CRISPLD2: variants seen among roughly 807,000 people sequenced by gnomAD.
CRISPLD2 encodes the protein cysteine rich secretory protein LCCL domain containing 2, also known as cysteine-rich secretory protein LCCL domain-containing 2.
A neutral mutation model predicts 71.1 loss-of-function variants in CRISPLD2; 47 were observed. The observed-to-expected ratio is 0.66, with a 90% confidence interval of 0.52 to 0.84. The LOEUF (loss-of-function observed/expected upper bound fraction) is 0.84, where lower values mean the gene tolerates loss of function less well. Among genes scored for constraint, CRISPLD2 ranks in the 40% least tolerant of loss-of-function variants. CRISPLD2 has a pLI of 0.00. For missense variants in CRISPLD2, 830 were observed against 651.1 expected, an observed-to-expected ratio of 1.27 and a Z score of -2.99; for synonymous variants, 317 against 250.1, an observed-to-expected ratio of 1.27 and a Z score of -2.52.
chr16:84,906,413 G>C (rs2071802838), intron 14 of CRISPLD2, among the ~76,000 whole-genome samples, 175 bp from the exon 15 acceptor site: 1 of 152,164 alleles, frequency 6.6e-6, no homozygotes, highest in Admixed American at 6.5e-5. Context: ...TTTGCCACCT[G>C]TTCTCAACTC....
chr16:84,897,826 A>G (rs1356871647), intron 14 of CRISPLD2, among the ~76,000 whole-genome samples: 1 of 152,238 alleles, frequency 6.6e-6, no homozygotes, highest in Non-Finnish European at 1.5e-5. Flanking sequence ...CATGTTGGCC[A>G]GGCTGGTCTC....
intron 5 of CRISPLD2, among the ~76,000 whole-genome samples, 169 bp from the exon 6 acceptor site, chr16:84,854,560 A>C (rs1262491676): frequency 3.3e-5 from 5 of 152,074 alleles, no homozygotes; most frequent in African/African-American, 1.2e-4. Context: ...CTCTCTGTGC[A>C]CGGGAGAGGC....
intron 1 of CRISPLD2, among the ~76,000 whole-genome samples, chr16:84,834,824 G>A (rs949650917): frequency 1.3e-5 from 2 of 152,190 alleles, no homozygotes; most frequent in South Asian, 2.1e-4. Flanking sequence ...CGTCCTCTGC[G>A]TGTCTCGGTC....
intron 1 of CRISPLD2, among the ~76,000 whole-genome samples, chr16:84,823,723 T>C (rs1308925600): frequency 1.3e-5 from 2 of 152,194 alleles, no homozygotes; most frequent in Non-Finnish European, 1.5e-5. Flanking sequence ...TTATCTTTGA[T>C]TGTCTTGAGT....
intron 11 of CRISPLD2, among the ~76,000 whole-genome samples, chr16:84,876,763 G>A (rs1209480699): frequency 6.6e-6 from 1 of 152,182 alleles, no homozygotes; most frequent in Non-Finnish European, 1.5e-5. Flanking sequence ...TTTCACTCCA[G>A]CCTGGGCAAA....
chr16:84,828,008 G>GCC (rs1239567805), intron 1 of CRISPLD2, among the ~76,000 whole-genome samples: 3 of 152,168 alleles, frequency 2.0e-5, no homozygotes, highest in African/African-American at 7.2e-5. Flanking sequence ...CCTGTCCGCT[G>GCC]CCCGTTTGTT....
At chr16:84,842,345 T>TTC (rs1295874016) in intron 2 of CRISPLD2, 3 of 131,550 alleles carry the variant, frequency 2.3e-5, no homozygotes, top group South Asian at 5.7e-4. Flanking sequence ...CCCTCCTTCT[T>TTC]TCCTTCCTTC....
intron 13 of CRISPLD2, among the ~76,000 whole-genome samples, chr16:84,881,943 A>T (rs774203): frequency 0.8 from 121,066 of 152,154 alleles, 48,689 homozygotes; most frequent in East Asian, 0.97. Flanking sequence ...GACTAAGCTT[A>T]TCTCCCCCCA....
intron 6 of CRISPLD2, among the ~76,000 whole-genome samples, chr16:84,855,699 C>G (rs1042617930): frequency 1.3e-5 from 2 of 152,114 alleles, no homozygotes; most frequent in Admixed American, 1.3e-4. Flanking sequence ...TATCACAAGT[C>G]CACCCCTTGT....
At chr16:84,888,744 C>T (rs1449254043) in intron 13 of CRISPLD2, among the ~76,000 whole-genome samples, 1 of 152,228 alleles carries the variant, frequency 6.6e-6, no homozygotes, top group African/African-American at 2.4e-5. Flanking sequence ...CTGGGATGCT[C>T]TGTGCAGAGA....
intron 2 of CRISPLD2, among the ~76,000 whole-genome samples, 154 bp from the exon 3 acceptor site, chr16:84,845,632 C>T (rs543925737): frequency 4.6e-5 from 7 of 152,382 alleles, no homozygotes; most frequent in East Asian, 3.9e-4. Flanking sequence ...TGGCCTGCCA[C>T]GCCCCCCTGG....
At chr16:84,889,720 T>A (rs2071644558) in intron 14 of CRISPLD2, among the ~76,000 whole-genome samples, 1 of 151,636 alleles carries the variant, frequency 6.6e-6, no homozygotes, top group Non-Finnish European at 1.5e-5. Flanking sequence ...ACTGTTAGAT[T>A]TCTTGGCGTG....
At chr16:84,859,945 A>T (rs1020560270) in intron 6 of CRISPLD2, among the ~76,000 whole-genome samples, 1 of 152,238 alleles carries the variant, frequency 6.6e-6, no homozygotes, top group Admixed American at 6.5e-5. Context: ...AGAAAAAAGC[A>T]ATTACAAAGA....
At chr16:84,869,472 T>G (rs1398427466) in intron 8 of CRISPLD2, among the ~76,000 whole-genome samples, 13 of 152,174 alleles carry the variant, frequency 8.5e-5, no homozygotes, top group Non-Finnish European at 1.8e-4. Context: ...GAATCTTCGG[T>G]TTTATATCGC....
chr16:84,882,878 G>A (rs951672431), intron 13 of CRISPLD2, among the ~76,000 whole-genome samples: 3 of 152,160 alleles, frequency 2.0e-5, no homozygotes, highest in African/African-American at 4.8e-5. Flanking sequence ...ACATGTGTCC[G>A]GCTTTCGACT....
In CRISPLD2 at chr16:84,873,893, GTTTTTT is replaced by G; in HGVS notation, c.1113-12_1113-7del. The G allele has an allele frequency of 3.0e-5, 42 of 1,419,380 alleles. No individual in the cohort carries two copies. Among genetic ancestry groups the G allele is most frequent in the Admixed American group, 6.9e-5 (3 of 43,180 alleles). 87.9% of individuals were successfully genotyped at this position (1,419,380 alleles called of 1,614,324 possible). A position where few individuals can be genotyped will look rare whatever the true frequency, so the allele number is the denominator to read the frequency against. On this transcript the variant is annotated intron_variant, in intron 10 of 14. Transcript: ENST00000262424. ...TTCTATTTGCATTTACCTAATGCCC[GTTTTTT>G]TTTTTTTTTTTTTTAAACAGCAAAT...
intron 6 of CRISPLD2, among the ~76,000 whole-genome samples, chr16:84,862,754 C>T (rs1025412242): frequency 2.1e-5 from 3 of 142,410 alleles, no homozygotes; most frequent in African/African-American, 8.0e-5. Flanking sequence ...CTTGGGTGGG[C>T]TCCGCTGGCA....
intron 11 of CRISPLD2, among the ~76,000 whole-genome samples, chr16:84,875,488 A>T (rs189035813): frequency 4.1e-5 from 6 of 146,246 alleles, no homozygotes; most frequent in African/African-American, 1.3e-4. Context: ...GTAGCCCAAG[A>T]CAATTCTTTT....
chr16:84,895,385 T>TA (rs2071697468), intron 14 of CRISPLD2, among the ~76,000 whole-genome samples: 1 of 152,190 alleles, frequency 6.6e-6, no homozygotes, highest in South Asian at 2.1e-4. Context: ...TGCCAAGATA[T>TA]ACTTGTTCCT....
Sources: gnomAD v4.1 joint callset for allele counts (sites outside exome capture counted in the v4.1 genomes callset) on GRCh38, gnomAD v4.1.1 for gene constraint, MANE v1.5 for transcripts, NCBI Gene and HGNC (gene_info 2026-07-23, HGNC 2026-07-21) for gene names.